The following PPFIA1 variants were observed in gnomAD, a reference collection of about 807,000 sequenced individuals.
The protein encoded by PPFIA1 is liprin-alpha-1.
PPFIA1 carries 25 observed loss-of-function variants against 149.9 expected under a neutral mutation model. The observed-to-expected ratio is 0.17, with a 90% confidence interval of 0.12 to 0.23. The LOEUF is 0.23. PPFIA1 is among the 10% of genes least tolerant of loss of function. The pLI is 1.00. For synonymous variants in PPFIA1, 549 were observed against 552.8 expected (o/e 0.99, Z 0.10); for missense variants, 1,362 against 1,506.5 (o/e 0.90, Z 1.59).
At chr11:70,316,738 C>T (rs949402141) in intron 2 of PPFIA1, among the ~76,000 whole-genome samples, 7 of 152,240 alleles carry the variant, frequency 4.6e-5, no homozygotes, top group Non-Finnish European at 8.8e-5. Flanking sequence ...GATAGGGCTA[C>T]TTCAAGCCAT....
intron 23 of PPFIA1, 44 bp from the exon 24 acceptor site, chr11:70,374,874 G>A: frequency 6.4e-7 from 1 of 1,565,254 alleles, no homozygotes; most frequent in Non-Finnish European, 8.8e-7. Context: ...TGATAAAGAT[G>A]GCTTTCTGAA....
In PPFIA1 at chr11:70,355,720, G is replaced by A; in HGVS notation, c.2397G>A (p.Lys799=). 3.1e-6 allele frequency: 5 copies of A among 1,614,168 alleles called. No individual in the cohort carries two copies. The highest frequency in any genetic ancestry group is 4.2e-6 in the Non-Finnish European group (5 of 1,180,028). The change falls in exon 18 of 28, where the codon AAG becomes AAA. Residue 799 remains lysine (K), a synonymous_variant. Coordinates refer to ENST00000253925, the MANE Select transcript of PPFIA1 (RefSeq NM_003626.5). Reference sequence around the variant, plus strand: ...AGGACTCGCTCCACAAAGCCCCAAAGAAGAAAGGCATTAAGTCCTCCATTG... The same window carrying A: ...AGGACTCGCTCCACAAAGCCCCAAAAAAGAAAGGCATTAAGTCCTCCATTG... The part of the protein sequence containing the change: ...SSQDSLHKAP[K]KKGIKSSIGR...
At chr11:70,379,892 T>C (rs2057640678) in intron 26 of PPFIA1, among the ~76,000 whole-genome samples, 1 of 152,230 alleles carries the variant, frequency 6.6e-6, no homozygotes, top group Non-Finnish European at 1.5e-5. Flanking sequence ...ATCTTTTAAC[T>C]AGGAACTTTT....
chr11:70,306,201 T>C (rs977408863), intron 2 of PPFIA1, among the ~76,000 whole-genome samples: 2 of 149,558 alleles, frequency 1.3e-5, no homozygotes, highest in East Asian at 1.9e-4. Context: ...AATGGAGAAA[T>C]GGATTGCTTG....
chr11:70,288,378 G>C (rs771095780), intron 2 of PPFIA1, among the ~76,000 whole-genome samples: 1 of 152,044 alleles, frequency 6.6e-6, no homozygotes, highest in Non-Finnish European at 1.5e-5. Flanking sequence ...CCTCCCCTCT[G>C]CTTTTTGTAT....
At chr11:70,362,233 C>T in intron 20 of PPFIA1, 55 bp from the exon 21 acceptor site, 4 of 1,612,064 alleles carry the variant, frequency 2.5e-6, no homozygotes, top group Admixed American at 3.3e-5. Flanking sequence ...ACTTACTGTT[C>T]TACTTTGTAG....
chr11:70,278,701 G>C (rs1304829150), intron 2 of PPFIA1, among the ~76,000 whole-genome samples: 1 of 152,162 alleles, frequency 6.6e-6, no homozygotes, highest in Non-Finnish European at 1.5e-5. Flanking sequence ...AGAATCAATA[G>C]CTTCTTTGAA....
chr11:70,282,672 G>A (rs1302061896), intron 2 of PPFIA1, among the ~76,000 whole-genome samples: 1 of 150,316 alleles, frequency 6.7e-6, no homozygotes, highest in Non-Finnish European at 1.5e-5. Flanking sequence ...GGGACTACAG[G>A]TGCCCGCCAC....
intron 21 of PPFIA1, chr11:70,362,952 A>T: frequency 6.5e-6 from 1 of 153,102 alleles, no homozygotes; most frequent in East Asian, 1.9e-4. Context: ...GAATCAGTCT[A>T]AGGGCCTCTT....
intron 2 of PPFIA1, among the ~76,000 whole-genome samples, chr11:70,287,892 C>A (rs2136173084): frequency 6.6e-6 from 1 of 152,086 alleles, no homozygotes; most frequent in African/African-American, 2.4e-5. Context: ...AGTGATCCTC[C>A]TACTTGGCCT....
intron 2 of PPFIA1, among the ~76,000 whole-genome samples, chr11:70,285,819 T>C (rs1355863888): frequency 6.6e-6 from 1 of 152,180 alleles, no homozygotes; most frequent in African/African-American, 2.4e-5. Flanking sequence ...TATACATGAA[T>C]GTATTCAGGT....
intron 2 of PPFIA1, among the ~76,000 whole-genome samples, chr11:70,289,894 T>C (rs531357461): frequency 1.3e-5 from 2 of 152,300 alleles, no homozygotes; most frequent in East Asian, 1.9e-4. Context: ...CTGGTTAACA[T>C]AGCAAGACCC....
intron 21 of PPFIA1, chr11:70,365,793 T>C: frequency 2.7e-6 from 1 of 373,952 alleles, no homozygotes; most frequent in South Asian, 2.0e-5. Flanking sequence ...ATTGTTGGTT[T>C]TGCATGAGTT....
In PPFIA1 at chr11:70,343,794, C is replaced by T. The variant is rs867683047; in HGVS notation, c.1833C>T (p.Leu611=). ...SDGEDDRDTL[L]SSVDLLSPSG... ...GTGAAGATGACAGGGACACTCTCCT[C>T]AGCTCAGTTGACCTGCTATCGCCCA... The change falls in exon 15 of 28, where the codon CTC becomes CTT. Residue 611 remains leucine, a synonymous_variant. Transcript: ENST00000253925. 1 of 1,614,200 alleles carries T rather than the reference C, an allele frequency of 6.2e-7. No individual in the cohort carries two copies.
intron 16 of PPFIA1, among the ~76,000 whole-genome samples, chr11:70,352,573 A>C (rs1440922365): frequency 6.6e-6 from 1 of 151,968 alleles, no homozygotes; most frequent in Non-Finnish European, 1.5e-5. Flanking sequence ...GTGCGTGCAG[A>C]GTGCCAGGCC....
intron 2 of PPFIA1, among the ~76,000 whole-genome samples, chr11:70,308,658 G>A (rs187041305): frequency 7.1e-4 from 108 of 152,182 alleles, no homozygotes; most frequent in Middle Eastern, 3.4e-3. Flanking sequence ...GAGGCTGGGC[G>A]CAGTGGCTCA....
At chr11:70,327,927 A>C (rs1327226724) in intron 7 of PPFIA1, among the ~76,000 whole-genome samples, 1 of 152,246 alleles carries the variant, frequency 6.6e-6, no homozygotes, top group Admixed American at 6.5e-5. Flanking sequence ...TTTGACGTTG[A>C]GTAATTTCAT....
intron 2 of PPFIA1, among the ~76,000 whole-genome samples, chr11:70,301,851 A>G (rs936937849): frequency 6.6e-6 from 1 of 152,258 alleles, no homozygotes; most frequent in Non-Finnish European, 1.5e-5. Flanking sequence ...TGCCAGACGC[A>G]GTACGCAGCA....
intron 26 of PPFIA1, 114 bp downstream of exon 26, chr11:70,378,309 T>C (rs1166029188): frequency 7.2e-7 from 1 of 1,394,266 alleles, no homozygotes; most frequent in Admixed American, 2.8e-5. Context: ...GGCACTTGAG[T>C]ATGGTTGCAT....
Sources: gnomAD v4.1 joint callset for allele counts (sites outside exome capture counted in the v4.1 genomes callset) on GRCh38, gnomAD v4.1.1 for gene constraint, MANE v1.5 for transcripts, NCBI Gene and HGNC (gene_info 2026-07-23, HGNC 2026-07-21) for gene names.